PGM5: variants seen among roughly 807,000 people sequenced by gnomAD.
PGM5 encodes phosphoglucomutase 5, also known as phosphoglucomutase-like protein 5.
Under a neutral mutation model 59.2 loss-of-function variants are expected in PGM5, and 23 were observed. That is an observed-to-expected ratio of 0.39 (90% CI 0.28 to 0.55). The LOEUF (loss-of-function observed/expected upper bound fraction) is 0.55, where lower values mean the gene tolerates loss of function less well. Ranked by LOEUF, PGM5 falls within the 20% of genes least tolerant of loss-of-function variation. PGM5 has a pLI of 0.66. For synonymous variants in PGM5, 214 were observed against 286.0 expected (o/e 0.75, Z 2.54); for missense variants, 574 against 748.3 (o/e 0.77, Z 2.72).
intron 2 of PGM5, among the ~76,000 whole-genome samples, chr9:68,379,202 G>A (rs1282410654): frequency 1.3e-5 from 2 of 152,124 alleles, no homozygotes; most frequent in Admixed American, 1.3e-4. Flanking sequence ...ATTTATAGCT[G>A]TTTTATTCAA....
rs373717122 is a variant in PGM5 at position 68,479,374 on chromosome 9, C to G, written c.1160-44C>G. 9 of 1,567,816 alleles carry G rather than the reference C, an allele frequency of 5.7e-6. No individual in the cohort carries two copies. The African/African-American group carries it at 1.2e-4, about 22-fold the overall frequency. ...CTTAATTCATTTAGCTTTTGCTTTGCTCCCACAAATGAATGCTCAGCAGAA... is the reference window on the plus strand; with the variant it reads ...CTTAATTCATTTAGCTTTTGCTTTGGTCCCACAAATGAATGCTCAGCAGAA... On this transcript the variant is annotated intron_variant, in intron 7 of 10. Coordinates refer to ENST00000396396, the MANE Select transcript of PGM5 (RefSeq NM_021965.4).
chr9:68,376,874 C>T (rs569771803), intron 1 of PGM5, among the ~76,000 whole-genome samples: 5,542 of 100,852 alleles, frequency 0.055, 558 homozygotes, highest in African/African-American at 0.1. Flanking sequence ...TTTTCTTTCT[C>T]TTTCTTTCTT....
At chr9:68,412,568 G>C (rs571789868) in intron 6 of PGM5, among the ~76,000 whole-genome samples, 93 of 152,260 alleles carry the variant, frequency 6.1e-4, no homozygotes, top group Middle Eastern at 3.4e-3. Context: ...TTCGTTGATG[G>C]ATCCATCTGC....
chr9:68,396,682 G>A (rs1458413817), intron 6 of PGM5: 1 of 152,352 alleles, frequency 6.6e-6, no homozygotes, highest in East Asian at 1.9e-4. Context: ...CTGGGTATTT[G>A]ATCTGTTGTG....
chr9:68,397,574 C>G (rs1554680144), intron 6 of PGM5: 1 of 152,218 alleles, frequency 6.6e-6, no homozygotes, highest in African/African-American at 2.4e-5. Context: ...CACCATTTAT[C>G]CACTCAAGAA....
chr9:68,431,991 C>T (rs1158832628), intron 6 of PGM5, among the ~76,000 whole-genome samples: 3 of 152,048 alleles, frequency 2.0e-5, no homozygotes, highest in Non-Finnish European at 4.4e-5. Context: ...GTTTGCAGAC[C>T]AGGAGGCTTT....
At chr9:68,406,880 G>C (rs1184955138) in intron 6 of PGM5, among the ~76,000 whole-genome samples, 4 of 150,716 alleles carry the variant, frequency 2.7e-5, no homozygotes, top group African/African-American at 9.8e-5. Flanking sequence ...AGGACTAAAT[G>C]TTGGCCAGTG....
intron 6 of PGM5, among the ~76,000 whole-genome samples, chr9:68,425,000 T>C (rs1823210275): frequency 1.3e-5 from 2 of 152,226 alleles, no homozygotes; most frequent in South Asian, 4.1e-4. Flanking sequence ...ACAAATTTGG[T>C]ATAATCCTCT....
chr9:68,470,042 T>G (rs1823996461), intron 7 of PGM5, among the ~76,000 whole-genome samples: 1 of 152,206 alleles, frequency 6.6e-6, no homozygotes, highest in Non-Finnish European at 1.5e-5. Context: ...ATTAGAATTA[T>G]ATAAAATATA....
At chr9:68,358,463 T>C (rs1834513044) in intron 1 of PGM5, among the ~76,000 whole-genome samples, 3 of 152,218 alleles carry the variant, frequency 2.0e-5, no homozygotes, top group Admixed American at 1.3e-4. Flanking sequence ...CTGAATTATA[T>C]GTGGGAAACA....
At chr9:68,487,359 TATCA>T in intron 9 of PGM5, among the ~76,000 whole-genome samples, 1 of 152,098 alleles carries the variant, frequency 6.6e-6, no homozygotes, top group Admixed American at 6.6e-5. Context: ...GCTCAAGAAA[TATCA>T]GTTCCCTCCC....
At chr9:68,429,980 G>A (rs1554682910) in intron 6 of PGM5, among the ~76,000 whole-genome samples, 4 of 152,222 alleles carry the variant, frequency 2.6e-5, no homozygotes, top group African/African-American at 9.6e-5. Flanking sequence ...AGAAGGAACA[G>A]TATCTGGGTA....
intron 6 of PGM5, among the ~76,000 whole-genome samples, chr9:68,409,755 T>G: frequency 7.6e-6 from 1 of 130,902 alleles, no homozygotes; most frequent in African/African-American, 2.9e-5. Context: ...GGGATAGCAT[T>G]GGGAGATATA....
intron 9 of PGM5, among the ~76,000 whole-genome samples, chr9:68,487,463 T>C (rs868974553): frequency 3.7e-4 from 52 of 141,860 alleles, no homozygotes; most frequent in Middle Eastern, 3.4e-3. Flanking sequence ...CACACGCACA[T>C]ACACACACAC....
rs1554678020 is a variant in PGM5, at chr9:68,378,321, A to G, written c.384A>G (p.Pro128=). 6.3e-6 allele frequency: 10 copies of G among 1,592,338 alleles called. No homozygotes were observed. The highest frequency in any genetic ancestry group is 8.5e-6 in the Non-Finnish European group (10 of 1,171,902). ...ILTASHCPGG[P]GGEFGVKFNV... The stretch of plus-strand genomic sequence containing the variant: ...CAGCCAGCCACTGCCCTGGAGGACC[A>G]GGGGGAGAGTTTGGAGTGAAGTTTA... The change falls in exon 2 of 11, where the codon CCA becomes CCG. Residue 128 remains proline, a synonymous_variant. Coordinates refer to ENST00000396396, the MANE Select transcript of PGM5 (RefSeq NM_021965.4).
intron 6 of PGM5, among the ~76,000 whole-genome samples, chr9:68,411,062 T>G (rs1306164212): frequency 6.6e-6 from 1 of 152,198 alleles, no homozygotes; most frequent in Non-Finnish European, 1.5e-5. Context: ...TTTATGTGTC[T>G]TTTTAAAGTC....
rs145720031 is a variant in PGM5 at position 68,447,638 on chromosome 9, A to G, written c.1044-17455A>G. On this transcript the variant is annotated intron_variant, in intron 6 of 10. Coordinates refer to ENST00000396396, the MANE Select transcript of PGM5 (RefSeq NM_021965.4). ...TATTATTATTATTATTACTACTAGA[A>G]GAAGGCTATAGTTTTGGTGTTTGCA... is the stretch of plus-strand genomic sequence containing the variant. 2.2e-3 allele frequency among the ~76,000 whole-genome samples: 328 copies of G among 152,330 alleles called. 4 individuals are homozygous for G. Among genetic ancestry groups the G allele is most frequent in the African/African-American group, 7.5e-3 (313 of 41,572 alleles).
chr9:68,385,852 A>G (rs1311022977), intron 3 of PGM5, among the ~76,000 whole-genome samples: 2 of 152,088 alleles, frequency 1.3e-5, no homozygotes, highest in Non-Finnish European at 2.9e-5. Context: ...TACTGATACC[A>G]GGAGATAGGT....
At chr9:68,466,270 GTTT>G (rs35091577) in intron 7 of PGM5, 418 of 557,258 alleles carry the variant, frequency 7.5e-4, no homozygotes, top group South Asian at 1.2e-3. Context: ...GATACTGTGT[GTTT>G]TTTTTTTTTT....
Sources: allele counts gnomAD v4.1 joint callset (sites outside exome capture counted in the v4.1 genomes callset), GRCh38; gene constraint gnomAD v4.1.1; transcripts MANE v1.5; gene names NCBI Gene and HGNC (gene_info 2026-07-23, HGNC 2026-07-21).